Variants in PPARGC1A observed in about 807,000 individuals in gnomAD.
PPARGC1A encodes the protein peroxisome proliferator-activated receptor gamma coactivator 1-alpha.
In PPARGC1A, 25 loss-of-function variants were observed where a neutral mutation model predicts 88.7. That is an observed-to-expected ratio of 0.28 (90% CI 0.21 to 0.39). PPARGC1A has a LOEUF of 0.39. Among genes scored for constraint, PPARGC1A ranks in the 10% least tolerant of loss-of-function variants. PPARGC1A has a pLI of 1.00. For missense variants in PPARGC1A, 880 were observed against 968.7 expected (o/e 0.91, Z 1.22); for synonymous variants, 363 against 355.6 (o/e 1.02, Z -0.24).
chr4:24,253,943 G>A, the PPARGC1A span, among the ~76,000 whole-genome samples: 1 of 152,056 alleles, frequency 6.6e-6, no homozygotes, highest in African/African-American at 2.4e-5. Flanking sequence ...TAGATGCTGG[G>A]GATACCAATG....
At chr4:24,156,740 T>TA in the PPARGC1A span, among the ~76,000 whole-genome samples, 1 of 151,700 alleles carries the variant, frequency 6.6e-6, no homozygotes, top group East Asian at 1.9e-4. Context: ...CTCTCTCTTT[T>TA]TTTTTTTTTT....
the PPARGC1A span, among the ~76,000 whole-genome samples, chr4:24,043,423 T>A: frequency 3.3e-5 from 5 of 152,174 alleles, no homozygotes; most frequent in African/African-American, 1.2e-4. Flanking sequence ...TGGCACCGGC[T>A]TTACTGTAAC....
chr4:23,862,818 T>C (rs1237375686), intron 2 of PPARGC1A, among the ~76,000 whole-genome samples: 1 of 152,126 alleles, frequency 6.6e-6, no homozygotes, highest in Non-Finnish European at 1.5e-5. Flanking sequence ...CCTTAAATCT[T>C]TCCTCCAGTT....
the PPARGC1A span, among the ~76,000 whole-genome samples, chr4:24,023,797 C>G: frequency 1.3e-5 from 2 of 151,620 alleles, no homozygotes; most frequent in African/African-American, 4.8e-5. Flanking sequence ...AACCCCCAAA[C>G]ACTGGAATAC....
chr4:23,954,304 T>C, the PPARGC1A span, among the ~76,000 whole-genome samples: 1 of 152,080 alleles, frequency 6.6e-6, no homozygotes, highest in Non-Finnish European at 1.5e-5. Context: ...CATTGCACAT[T>C]TACTAAGAAG....
chr4:24,345,568 T>A, the PPARGC1A span, among the ~76,000 whole-genome samples: 1 of 152,188 alleles, frequency 6.6e-6, no homozygotes, highest in Non-Finnish European at 1.5e-5. Context: ...AGTTCTTGAT[T>A]TCATTCTCTG....
chr4:23,889,801 C>T, intron 1 of PPARGC1A, 103 bp downstream of exon 1: 2 of 1,394,974 alleles, frequency 1.4e-6, no homozygotes, highest in Non-Finnish European at 1.9e-6. Flanking sequence ...GGACTACTTT[C>T]CTGGCTCCTC....
the PPARGC1A span, among the ~76,000 whole-genome samples, chr4:23,936,516 C>T: frequency 6.6e-6 from 1 of 152,140 alleles, no homozygotes; most frequent in Non-Finnish European, 1.5e-5. Context: ...GTGGGCAGAT[C>T]ACCTGAGGTC....
the PPARGC1A span, among the ~76,000 whole-genome samples, chr4:24,270,738 T>C: frequency 6.6e-6 from 1 of 152,222 alleles, no homozygotes; most frequent in Non-Finnish European, 1.5e-5. Flanking sequence ...TAGCTCCTAT[T>C]CCTTTTGGTC....
the PPARGC1A span, among the ~76,000 whole-genome samples, chr4:24,007,121 A>C: frequency 6.6e-6 from 1 of 152,084 alleles, no homozygotes; most frequent in Non-Finnish European, 1.5e-5. Context: ...AAAATTATGG[A>C]GTCTTAGAGT....
chr4:24,035,163 G>C, the PPARGC1A span, among the ~76,000 whole-genome samples: 20 of 152,186 alleles, frequency 1.3e-4, no homozygotes, highest in Admixed American at 1.0e-3. Flanking sequence ...CAGTCCATAG[G>C]CATGTAATAG....
At chr4:24,266,890 T>A in the PPARGC1A span, among the ~76,000 whole-genome samples, 4 of 152,218 alleles carry the variant, frequency 2.6e-5, no homozygotes, top group Non-Finnish European at 4.4e-5. Flanking sequence ...AATTGAATAC[T>A]ATGCCACTAG....
At chr4:23,988,011 A>G in the PPARGC1A span, among the ~76,000 whole-genome samples, 1 of 150,574 alleles carries the variant, frequency 6.6e-6, no homozygotes, top group East Asian at 2.0e-4. Context: ...TCATTGTTCA[A>G]CTCCCACTTA....
chr4:24,407,749 T>C, the PPARGC1A span, among the ~76,000 whole-genome samples: 1 of 152,224 alleles, frequency 6.6e-6, no homozygotes, highest in Non-Finnish European at 1.5e-5. Context: ...CTCTATAAAA[T>C]AGGGATAATT....
the PPARGC1A span, among the ~76,000 whole-genome samples, chr4:23,917,309 C>T: frequency 6.6e-6 from 1 of 152,074 alleles, no homozygotes; most frequent in South Asian, 2.1e-4. Context: ...ACACCACTGC[C>T]CTCCTAGATT....
intron 2 of PPARGC1A, among the ~76,000 whole-genome samples, chr4:23,864,462 G>A (rs1386477192): frequency 2.0e-5 from 3 of 152,246 alleles, no homozygotes; most frequent in African/African-American, 2.4e-5. Context: ...TATGGTATGT[G>A]TGGGGTAGTA....
the PPARGC1A span, among the ~76,000 whole-genome samples, chr4:24,059,099 G>A: frequency 6.5e-3 from 995 of 152,246 alleles, 32 homozygotes; most frequent in East Asian, 0.12. Flanking sequence ...GCGCATTTCC[G>A]TGTTTATTTC....
chr4:23,947,255 T>C, the PPARGC1A span, among the ~76,000 whole-genome samples: 1 of 151,384 alleles, frequency 6.6e-6, no homozygotes, highest in South Asian at 2.1e-4. Context: ...GCCTACTGTG[T>C]GCCAAGCACT....
chr4:23,921,621 A>AG, the PPARGC1A span, among the ~76,000 whole-genome samples: 1 of 152,136 alleles, frequency 6.6e-6, no homozygotes, highest in African/African-American at 2.4e-5. Context: ...GGCAGGTGGG[A>AG]GGGGAGGGGT....
Sources: allele counts gnomAD v4.1 joint callset (sites outside exome capture counted in the v4.1 genomes callset), GRCh38; gene constraint gnomAD v4.1.1; transcripts MANE v1.5; gene names NCBI Gene and HGNC (gene_info 2026-07-23, HGNC 2026-07-21).